The following PROM1 variants were observed in gnomAD, a reference collection of about 807,000 sequenced individuals.
The protein encoded by PROM1 is prominin 1.
A neutral mutation model predicts 116.9 loss-of-function variants in PROM1; 105 were observed. The ratio of observed to expected loss-of-function variants is 0.90; its 90% CI spans 0.77 to 1.06. PROM1 has a LOEUF of 1.06. Ranked by LOEUF, PROM1 falls within the 50% of genes least tolerant of loss-of-function variation. PROM1 has a pLI of 0.00. For synonymous variants in PROM1, 393 were observed against 387.0 expected (o/e 1.02, Z -0.18); for missense variants, 1,122 against 1,045.2 (o/e 1.07, Z -1.01).
In PROM1 at chr4:15,968,799, G is replaced by T. The variant is rs555313501; in HGVS notation, c.*594C>A. ...GTATAATAGATGAAAATCTCTGCGT[G>T]AAGAATATGCTGTAGGTTTCACACA... On this transcript the variant is annotated 3_prime_UTR_variant, in exon 28 of 28. Coordinates refer to ENST00000447510, the MANE Select transcript of PROM1 (RefSeq NM_006017.3). The T allele has an allele frequency of 6.6e-6, 1 of 152,310 alleles. No individual in the cohort carries two copies. Among genetic ancestry groups the T allele is most frequent in the African/African-American group, 2.4e-5 (1 of 41,572 alleles). 9.4% of individuals were successfully genotyped at this position (152,310 alleles called of 1,614,324 possible). A position where few individuals can be genotyped will look rare whatever the true frequency, so the allele number is the denominator to read the frequency against.
chr4:16,063,362 C>T (rs1447982691), intron 2 of PROM1, among the ~76,000 whole-genome samples: 4 of 152,100 alleles, frequency 2.6e-5, no homozygotes, highest in Admixed American at 1.3e-4. Context: ...TCTGGGAGGC[C>T]GAGGCAGGGG....
intron 18 of PROM1, 54 bp from the exon 19 acceptor site, chr4:15,989,878 C>T (rs1055425989): frequency 2.1e-6 from 3 of 1,400,200 alleles, no homozygotes; most frequent in African/African-American, 2.9e-5. Flanking sequence ...ACTCAAAGCA[C>T]TCTCGCTATC....
chr4:16,067,770 C>T (rs1741867021), intron 2 of PROM1, among the ~76,000 whole-genome samples: 2 of 152,180 alleles, frequency 1.3e-5, no homozygotes, highest in Admixed American at 6.5e-5. Flanking sequence ...ATTCACTCAG[C>T]CGCCCCTTTC....
At chr4:16,077,588 T>A (rs1017377414) in intron 1 of PROM1, among the ~76,000 whole-genome samples, 1 of 152,192 alleles carries the variant, frequency 6.6e-6, no homozygotes, top group Admixed American at 6.5e-5. Context: ...TCGTTCCACC[T>A]AACGAGAAAC....
chr4:16,045,755 A>G (rs1196179344), intron 2 of PROM1, among the ~76,000 whole-genome samples: 8 of 152,230 alleles, frequency 5.3e-5, no homozygotes, highest in African/African-American at 2.4e-5. Flanking sequence ...ACTGAAATAT[A>G]TGAATTCCTG....
chr4:15,979,652 G>A (rs964172685), intron 25 of PROM1, among the ~76,000 whole-genome samples, 189 bp from the exon 26 acceptor site: 2 of 152,132 alleles, frequency 1.3e-5, no homozygotes, highest in African/African-American at 2.4e-5. Context: ...CTACTTTATA[G>A]ATTAATAAAC....
At chr4:15,978,082 A>G (rs984958127) in intron 26 of PROM1, among the ~76,000 whole-genome samples, 4 of 152,116 alleles carry the variant, frequency 2.6e-5, no homozygotes, top group South Asian at 2.1e-4. Context: ...CCTTTCCACC[A>G]TGTGAGGATT....
In PROM1 at chr4:16,006,621, C is replaced by A; in HGVS notation, c.1371G>T (p.Leu457=). The A allele has an allele frequency of 6.2e-7, 1 of 1,611,940 alleles. No individual in the cohort carries two copies. Among genetic ancestry groups the A allele is most frequent in the Non-Finnish European group, 8.5e-7 (1 of 1,179,156 alleles). Residue 457 remains leucine, a synonymous_variant, in exon 13 of 28, where the codon CTG becomes CTT. Coordinates refer to ENST00000447510, the MANE Select transcript of PROM1 (RefSeq NM_006017.3). The part of the protein sequence containing the change: ...LIVIFYYLGL[L]CGVCGYDRHA... ...GCCTGTCATAGCCGCACACGCCACACAGTAAGCCCAGGTAGTAAAAAATCA... is the reference window on the plus strand; with the variant it reads ...GCCTGTCATAGCCGCACACGCCACAAAGTAAGCCCAGGTAGTAAAAAATCA...
At chr4:15,976,441 G>A (rs1049393334) in intron 26 of PROM1, among the ~76,000 whole-genome samples, 1 of 152,212 alleles carries the variant, frequency 6.6e-6, no homozygotes, top group Admixed American at 6.5e-5. Flanking sequence ...CTACACGCAG[G>A]ACATCTGTGG....
chr4:16,024,203 A>G (rs928774767), intron 7 of PROM1, 92 bp downstream of exon 7: 15 of 1,147,804 alleles, frequency 1.3e-5, no homozygotes, highest in Non-Finnish European at 1.7e-5. Context: ...TCTTCCCCCA[A>G]CTTTCACGTA....
chr4:16,058,665 A>AG (rs1226616895), intron 2 of PROM1, among the ~76,000 whole-genome samples: 1 of 151,618 alleles, frequency 6.6e-6, no homozygotes, highest in African/African-American at 2.4e-5. Flanking sequence ...AAAAAAAAAA[A>AG]TGAGAACACC....
chr4:16,009,404 T>C (rs1189903570), intron 11 of PROM1, among the ~76,000 whole-genome samples: 3 of 152,238 alleles, frequency 2.0e-5, no homozygotes, highest in Admixed American at 1.3e-4. Flanking sequence ...AAATGCATGG[T>C]GTGCAGACTA....
chr4:16,007,456 C>T (rs1414627849), intron 12 of PROM1, among the ~76,000 whole-genome samples: 1 of 152,226 alleles, frequency 6.6e-6, no homozygotes, highest in Admixed American at 6.5e-5. Flanking sequence ...GAATTTACTT[C>T]TGCTTGGTGC....
chr4:16,080,302 C>A lies in PROM1; in HGVS notation c.-213+3676G>T, dbSNP rs75472272. Among the ~76,000 whole-genome samples, 51 of 151,886 alleles carry A rather than the reference C, an allele frequency of 3.4e-4. No individual in the cohort carries two copies. In the East Asian group the frequency reaches 9.0e-3, roughly 27 times the overall value. ...TTGGGAGGCCGAGGCGGGCGGATCACGAGGTCAGGAGATCGAGACCATCCT... is the reference window on the plus strand; with the variant it reads ...TTGGGAGGCCGAGGCGGGCGGATCAAGAGGTCAGGAGATCGAGACCATCCT... On this transcript the variant is annotated intron_variant, in intron 1 of 27. Coordinates refer to ENST00000447510, the MANE Select transcript of PROM1 (RefSeq NM_006017.3).
intron 2 of PROM1, among the ~76,000 whole-genome samples, chr4:16,055,743 C>T (rs757143983): frequency 6.6e-6 from 1 of 152,152 alleles, no homozygotes; most frequent in Non-Finnish European, 1.5e-5. Flanking sequence ...AATGTCATAG[C>T]CTTTACAATT....
chr4:15,974,115 T>TC lies in PROM1; in HGVS notation c.2583-3034dup, dbSNP rs1327831209. On this transcript the variant is annotated intron_variant, in intron 26 of 27. Transcript: ENST00000447510. ...CACACACAGACACACACACTCTCTC[T>TC]CTTTCTCTCTCTCTCTCTCTCTCTC... Among the ~76,000 whole-genome samples the TC allele has an allele frequency of 2.0e-3, 166 of 84,870 alleles. 2 individuals are homozygous for TC. Among genetic ancestry groups the TC allele is most frequent in the African/African-American group, 4.8e-3 (155 of 32,600 alleles). 55.7% of individuals were successfully genotyped at this position (84,870 alleles called of 152,430 possible). A position where few individuals can be genotyped will look rare whatever the true frequency, so the allele number is the denominator to read the frequency against.
intron 17 of PROM1, among the ~76,000 whole-genome samples, chr4:15,991,950 A>AG (rs1721141160): frequency 6.6e-6 from 1 of 150,766 alleles, no homozygotes; most frequent in East Asian, 1.9e-4. Flanking sequence ...AAAAAAAAAA[A>AG]AAAAAAAAAA....
chr4:15,993,334 C>A (rs925125444), intron 16 of PROM1, among the ~76,000 whole-genome samples: 6 of 152,090 alleles, frequency 3.9e-5, no homozygotes, highest in African/African-American at 1.4e-4. Flanking sequence ...CCTCCAGGTA[C>A]GGGGAGTGGG....
intron 26 of PROM1, 94 bp from the exon 27 acceptor site, chr4:15,971,176 G>C: frequency 9.4e-7 from 1 of 1,061,286 alleles, no homozygotes; most frequent in African/African-American, 1.6e-5. Flanking sequence ...TGTGACTAAA[G>C]GTACAGACGA....
Sources: gnomAD v4.1 joint callset for allele counts (sites outside exome capture counted in the v4.1 genomes callset) on GRCh38, gnomAD v4.1.1 for gene constraint, MANE v1.5 for transcripts, NCBI Gene and HGNC (gene_info 2026-07-23, HGNC 2026-07-21) for gene names.